COL19A1: variants seen among roughly 807,000 people sequenced by gnomAD.
COL19A1 encodes collagen alpha-1(XIX) chain.
A neutral mutation model predicts 190.2 loss-of-function variants in COL19A1; 159 were observed. The observed-to-expected ratio is 0.84, with a 90% CI of 0.73 to 0.95. The LOEUF (loss-of-function observed/expected upper bound fraction) is 0.95, where lower values mean the gene tolerates loss of function less well. Among genes scored for constraint, COL19A1 ranks in the 40% least tolerant of loss-of-function variants. The pLI is 0.00. For missense variants in COL19A1, 1,418 were observed against 1,431.9 expected (o/e 0.99, Z 0.16); for synonymous variants, 509 against 458.9 (o/e 1.11, Z -1.39).
chr6:70,020,606 G>A (rs1235823740), intron 11 of COL19A1, among the ~76,000 whole-genome samples: 8 of 152,052 alleles, frequency 5.3e-5, no homozygotes, highest in Non-Finnish European at 1.2e-4. Context: ...ATATATTCAT[G>A]CTATATATCA....
intron 14 of COL19A1, among the ~76,000 whole-genome samples, chr6:70,053,871 C>A (rs1780350798): frequency 6.6e-6 from 1 of 152,054 alleles, no homozygotes; most frequent in Non-Finnish European, 1.5e-5. Context: ...ATTGTTAATT[C>A]TTAATTCATA....
chr6:69,889,194 C>T (rs900396858), intron 2 of COL19A1, among the ~76,000 whole-genome samples: 4 of 152,072 alleles, frequency 2.6e-5, no homozygotes, highest in Admixed American at 6.6e-5. Context: ...TTTTTCTTAA[C>T]GTATGTTGGA....
At chr6:69,998,698 A>C (rs1777073602) in intron 11 of COL19A1, among the ~76,000 whole-genome samples, 1 of 151,814 alleles carries the variant, frequency 6.6e-6, no homozygotes, top group African/African-American at 2.4e-5. Context: ...TTAGAAAGTA[A>C]TTCATCATTC....
Position 70,199,734 on chromosome 6 carries a change from A to G in COL19A1, c.3221A>G (p.Gln1074Arg), listed in dbSNP as rs1380838069. The G allele has an allele frequency of 6.2e-7, 1 of 1,604,560 alleles. No homozygotes were observed. Among genetic ancestry groups the G allele is most frequent in the South Asian group, 1.1e-5 (1 of 89,132 alleles). Residue 1074 changes from glutamine (Q) to arginine (R), a missense_variant and splice_region_variant, in exon 49 of 51, where the codon CAA becomes CGA. By Grantham distance (43) the Gln-to-Arg change is conservative (BLOSUM62 1). Coordinates refer to ENST00000620364, the MANE Select transcript of COL19A1 (RefSeq NM_001858.6). Reference sequence around the variant, plus strand: ...GGGCCACCAGGAGACCCTGGACCCCAAGGTAAGTCTTCAAGTGTAATATTG... The same window carrying G: ...GGGCCACCAGGAGACCCTGGACCCCGAGGTAAGTCTTCAAGTGTAATATTG... ...LPGPPGDPGP[Q>R]GYRGQKGERG...
Position 70,149,901 on chromosome 6 carries a change from T to C in COL19A1, c.1980T>C (p.Asn660=), listed in dbSNP as rs982444961. Residue 660 remains asparagine, a synonymous_variant, in exon 29 of 51, where the codon AAT becomes AAC. Transcript: ENST00000620364. ...GLPGTPGTPG[N]DGVPGRDGKP... is the part of the protein sequence containing the mutation. ...CAGGAACTCCAGGGACTCCAGGGAA[T>C]GATGTAAGGACTTTCTTTATCTACC... 1.2e-6 allele frequency: 2 copies of C among 1,613,662 alleles called. No individual in the cohort carries two copies. Among genetic ancestry groups the C allele is most frequent in the Non-Finnish European group, 1.7e-6 (2 of 1,179,810 alleles).
rs903512859 is a variant in COL19A1, at chr6:70,122,453, G to A, written c.1341+511G>A. ...CATTTGGGATAGGCGGAATGCTGAC[G>A]TGGAAGTATCCAAATGGCAAAAGCA... On this transcript the variant is annotated intron_variant, in intron 17 of 50. Coordinates refer to ENST00000620364, the MANE Select transcript of COL19A1 (RefSeq NM_001858.6). 2.6e-5 allele frequency among the ~76,000 whole-genome samples: 4 copies of A among 152,068 alleles called. No homozygotes were observed. The East Asian group carries it at 7.7e-4, about 29-fold the overall frequency.
At chr6:70,165,295 A>G (rs1318814668) in intron 36 of COL19A1, among the ~76,000 whole-genome samples, 1 of 152,182 alleles carries the variant, frequency 6.6e-6, no homozygotes, top group East Asian at 1.9e-4. Flanking sequence ...CACAAATTCT[A>G]TTTTCAGTCT....
intron 11 of COL19A1, among the ~76,000 whole-genome samples, chr6:69,990,186 A>G (rs956342176): frequency 6.6e-6 from 1 of 152,142 alleles, no homozygotes; most frequent in Non-Finnish European, 1.5e-5. Flanking sequence ...TATATACTTC[A>G]GCTGTCTTCA....
chr6:70,054,856 ATAAT>A (rs1409280814), intron 14 of COL19A1, among the ~76,000 whole-genome samples: 1 of 152,194 alleles, frequency 6.6e-6, no homozygotes, highest in Non-Finnish European at 1.5e-5. Flanking sequence ...AATTTTAAAA[ATAAT>A]TAAGCATAAC....
intron 11 of COL19A1, among the ~76,000 whole-genome samples, chr6:69,987,953 G>A (rs994770395): frequency 2.6e-5 from 4 of 152,128 alleles, no homozygotes; most frequent in African/African-American, 9.7e-5. Flanking sequence ...AATAAACTGA[G>A]TACAGCATGT....
At chr6:70,120,084 C>G (rs1416164715) in intron 16 of COL19A1, among the ~76,000 whole-genome samples, 2 of 152,144 alleles carry the variant, frequency 1.3e-5, no homozygotes, top group Non-Finnish European at 2.9e-5. Context: ...GAGTGAGACT[C>G]TGTCTCAAAA....
intron 48 of COL19A1, among the ~76,000 whole-genome samples, chr6:70,193,872 A>G (rs754219912): frequency 3.9e-5 from 6 of 152,212 alleles, no homozygotes; most frequent in African/African-American, 7.2e-5. Flanking sequence ...ACCATTTACA[A>G]AAAAGAAAAA....
chr6:69,967,938 C>T (rs1164616116), intron 11 of COL19A1, among the ~76,000 whole-genome samples: 5 of 97,502 alleles, frequency 5.1e-5, no homozygotes, highest in Non-Finnish European at 8.7e-5. Context: ...GTACACGTAG[C>T]GTAAAGTACA....
intron 14 of COL19A1, among the ~76,000 whole-genome samples, chr6:70,046,773 T>C (rs1779943440): frequency 6.6e-6 from 1 of 152,176 alleles, no homozygotes; most frequent in South Asian, 2.1e-4. Flanking sequence ...TCATAGATGG[T>C]AAAATTTAGC....
intron 41 of COL19A1, among the ~76,000 whole-genome samples, chr6:70,175,162 T>C (rs2150278602): frequency 6.6e-6 from 1 of 152,308 alleles, no homozygotes; most frequent in East Asian, 1.9e-4. Context: ...TATCAGTTAT[T>C]TTTTTCTTTT....
At chr6:70,044,331 TA>T (rs1779793316) in intron 14 of COL19A1, among the ~76,000 whole-genome samples, 1 of 152,216 alleles carries the variant, frequency 6.6e-6, no homozygotes, top group African/African-American at 2.4e-5. Flanking sequence ...TTCACTATAG[TA>T]GCACATTTAA....
chr6:69,944,784 T>C (rs950502534), intron 9 of COL19A1, among the ~76,000 whole-genome samples: 6 of 152,066 alleles, frequency 3.9e-5, no homozygotes, highest in African/African-American at 1.2e-4. Flanking sequence ...CAGTTTTAAG[T>C]ACTACTGCTT....
intron 14 of COL19A1, among the ~76,000 whole-genome samples, chr6:70,044,079 C>T (rs901626256): frequency 2.8e-4 from 43 of 152,280 alleles, no homozygotes; most frequent in Middle Eastern, 6.8e-3. Context: ...ATTCTGGAGA[C>T]GGCTTCTTTC....
intron 4 of COL19A1, among the ~76,000 whole-genome samples, chr6:69,925,986 G>A (rs1772358575): frequency 6.6e-6 from 1 of 152,148 alleles, no homozygotes; most frequent in Non-Finnish European, 1.5e-5. Context: ...GAGATTTTGG[G>A]CTGAGACGAT....
Sources: gnomAD v4.1 joint callset for allele counts (sites outside exome capture counted in the v4.1 genomes callset) on GRCh38, gnomAD v4.1.1 for gene constraint, MANE v1.5 for transcripts, NCBI Gene and HGNC (gene_info 2026-07-23, HGNC 2026-07-21) for gene names.